TNFSF12: variants seen among roughly 807,000 people sequenced by gnomAD.
TNFSF12 encodes TNF superfamily member 12.
In TNFSF12, 16 loss-of-function variants were observed where a neutral mutation model predicts 31.2. That is an observed-to-expected ratio of 0.51 (90% confidence interval 0.35 to 0.78). The LOEUF is 0.78. Among genes scored for constraint, TNFSF12 ranks in the 30% least tolerant of loss-of-function variants. The probability of loss-of-function intolerance (pLI) is 0.01; values close to 1 mark genes in which losing one functional copy is unlikely to be tolerated. For synonymous variants in TNFSF12, 150 were observed against 151.4 expected, an observed-to-expected ratio of 0.99 and a Z score of 0.07; for missense variants, 324 against 338.8, an observed-to-expected ratio of 0.96 and a Z score of 0.34.
At chr17:7,555,393 C>G (rs1481721087) in intron 5 of TNFSF12, among the ~76,000 whole-genome samples, 2 of 152,076 alleles carry the variant, frequency 1.3e-5, no homozygotes, top group Non-Finnish European at 2.9e-5. Flanking sequence ...CATGATGAGG[C>G]TGGGGGACTC....
intron 5 of TNFSF12, among the ~76,000 whole-genome samples, chr17:7,553,413 G>A (rs879613714): frequency 2.6e-5 from 4 of 152,096 alleles, no homozygotes; most frequent in Non-Finnish European, 4.4e-5. Flanking sequence ...GTAGGTGGAG[G>A]GGTGTGTGGA....
rs113147008 is a variant in TNFSF12 at position 7,557,426 on chromosome 17, G to A, written c.*76G>A. On this transcript the variant is annotated 3_prime_UTR_variant, in exon 7 of 7. Coordinates refer to ENST00000293825, the MANE Select transcript of TNFSF12 (RefSeq NM_003809.3). This position sits in a 1 kb window ranked among gnomAD's most constrained non-coding sequence, Gnocchi z 5.2. The stretch of plus-strand genomic sequence containing the variant: ...GCTCTCTGGGCACCCGGTCCCCTCT[G>A]CCCCACCCTCAGCCGCTCTTTGCTC... 36,706 of 1,506,182 alleles carry A rather than the reference G, an allele frequency of 0.024. 626 individuals carry two copies. Among genetic ancestry groups the A allele is most frequent in the Admixed American group, 0.092 (4,216 of 45,962 alleles). 93.3% of individuals were successfully genotyped at this position (1,506,182 alleles called of 1,614,324 possible).
In TNFSF12 at chr17:7,550,129, C is replaced by T. The variant is rs2070983926; in HGVS notation, c.217C>T (p.Pro73Ser). ...EEDQDPSELNPQTEESQDPAP... is the reference protein window; with the variant it reads ...EEDQDPSELNSQTEESQDPAP... ...GCCCTAATTCCCCTAGGAACTGAAT[C>T]CCCAGACAGAAGAAAGCCAGGATCC... Residue 73 changes from proline to serine, a missense_variant, in exon 3 of 7, where the codon CCC (proline) becomes TCC (serine). Physicochemically the swap from Pro to Ser is moderately conservative, Grantham distance 74 (BLOSUM62 -1). Transcript: ENST00000293825. This position sits in a 1 kb window ranked among gnomAD's most constrained non-coding sequence, Gnocchi z 4.4. 6.2e-7 allele frequency: 1 copy of T among 1,614,048 alleles called. No individual in the cohort carries two copies. Among genetic ancestry groups the T allele is most frequent in the Non-Finnish European group, 8.5e-7 (1 of 1,179,976 alleles).
At chr17:7,554,690 G>A (rs1281589261) in intron 5 of TNFSF12, among the ~76,000 whole-genome samples, 1 of 146,196 alleles carries the variant, frequency 6.8e-6, no homozygotes, top group Non-Finnish European at 1.5e-5. Context: ...CGCCATCTCG[G>A]CTCACTGCAG....
intron 5 of TNFSF12, chr17:7,553,870 C>T (rs2071028143): frequency 3.6e-6 from 4 of 1,106,662 alleles, no homozygotes; most frequent in Non-Finnish European, 4.5e-6. Flanking sequence ...AACCTTTGCT[C>T]GATGACTTCT....
At position 7,550,837 on chromosome 17, in the gene TNFSF12, G is replaced by A. The variant is rs1267174864; in HGVS notation, c.322G>A (p.Ala108Thr). The A allele has an allele frequency of 6.8e-6, 11 of 1,612,504 alleles. No homozygotes were observed. Among genetic ancestry groups the A allele is most frequent in the South Asian group, 1.1e-5 (1 of 91,038 alleles). The change falls in exon 4 of 7, where the codon GCA (alanine) becomes ACA (threonine). Residue 108 changes from alanine (A) to threonine (T), a missense_variant. Physicochemically the swap from Ala to Thr is moderately conservative, Grantham distance 58 (BLOSUM62 0). Transcript: ENST00000293825. The surrounding 1 kb of genome is among the most constrained non-coding windows in gnomAD (Gnocchi z 4.4). The part of the protein sequence containing the change: ...GRKTRARRAI[A>T]AHYEVHPRPG... The stretch of plus-strand genomic sequence containing the variant: ...GAAAACACGGGCTCGAAGAGCGATC[G>A]CAGCCCATTATGAAGGTGGGTGATG...
chr17:7,555,989 T>TTG (rs2071060526), intron 5 of TNFSF12, among the ~76,000 whole-genome samples: 1 of 130,232 alleles, frequency 7.7e-6, no homozygotes, highest in African/African-American at 2.7e-5. Context: ...TTTGTTTTTT[T>TTG]TTTTTTTTGG....
At chr17:7,553,116 C>A (rs894034389) in intron 5 of TNFSF12, among the ~76,000 whole-genome samples, 3 of 136,032 alleles carry the variant, frequency 2.2e-5, no homozygotes, top group Non-Finnish European at 4.6e-5. Context: ...ATGGCACGAT[C>A]TCGGCTGACC....
Position 7,549,192 on chromosome 17 carries a change from G to C in TNFSF12, c.39G>C (p.Arg13=), listed in dbSNP as rs1597822381. Residue 13 remains arginine, a synonymous_variant, in exon 1 of 7, where the codon CGG becomes CGC. Coordinates refer to ENST00000293825, the MANE Select transcript of TNFSF12 (RefSeq NM_003809.3). This position sits in a 1 kb window ranked among gnomAD's most constrained non-coding sequence, Gnocchi z 4.1. ...ARRSQRRRGR[R]GEPGTALLVP... is the part of the protein sequence containing the mutation. Reference sequence around the variant, plus strand: ...GGAGCCAGAGGCGGAGGGGGCGCCGGGGGGAGCCGGGCACCGCCCTGCTGG... The same window carrying C: ...GGAGCCAGAGGCGGAGGGGGCGCCGCGGGGAGCCGGGCACCGCCCTGCTGG... 1.5e-6 allele frequency: 2 copies of C among 1,307,840 alleles called. No individual in the cohort carries two copies. The highest frequency in any genetic ancestry group is 3.1e-5 in the African/African-American group (2 of 64,890). The allele number at this position is 1,307,840 out of a possible 1,614,324, so 81.0% of individuals were successfully genotyped here.
rs114023472 is a variant in TNFSF12, at chr17:7,555,709, C to T, written c.374-1069C>T. 8.7e-3 allele frequency among the ~76,000 whole-genome samples: 1,328 copies of T among 152,080 alleles called. 23 individuals carry two copies. Among genetic ancestry groups the T allele is most frequent in the African/African-American group, 0.029 (1,219 of 41,482 alleles). On this transcript the variant is annotated intron_variant, in intron 5 of 6. Transcript: ENST00000293825. The stretch of plus-strand genomic sequence containing the variant: ...GGCAGGATAGATAGGAACTGGTGAT[C>T]GATTAATGATGTAGGTAAAGGAGAG...
chr17:7,553,772 G>C, intron 5 of TNFSF12: 1 of 1,212,326 alleles, frequency 8.2e-7, no homozygotes, highest in Non-Finnish European at 1.1e-6. Flanking sequence ...CCAGAAAGAA[G>C]AGAGGACACA....
rs2070978917 is a variant in TNFSF12, at chr17:7,549,766, T to C, written c.207+245T>C. On this transcript the variant is annotated intron_variant, in intron 2 of 6. Coordinates refer to ENST00000293825, the MANE Select transcript of TNFSF12 (RefSeq NM_003809.3). This position sits in a 1 kb window ranked among gnomAD's most constrained non-coding sequence, Gnocchi z 4.1. ...GTTTATTGGCTGGGGGTGACGTGGT[T>C]GTATAAGATATGTGAGTCTGCGTGG... is the stretch of plus-strand genomic sequence containing the variant. 6 of 641,210 alleles carry C rather than the reference T, an allele frequency of 9.4e-6. No homozygotes were observed. In the South Asian group the frequency reaches 1.4e-4, roughly 15 times the overall value. The allele number at this position is 641,210 out of a possible 1,614,324, so 39.7% of individuals were successfully genotyped here.
Position 7,549,460 on chromosome 17 carries a change from C to T in TNFSF12, c.160-14C>T, listed in dbSNP as rs149475179. 9.9e-6 allele frequency: 15 copies of T among 1,512,348 alleles called. No individual in the cohort carries two copies. The Admixed American group carries it at 1.9e-4, about 19-fold the overall frequency. 93.7% of individuals were successfully genotyped at this position (1,512,348 alleles called of 1,614,324 possible). A position where few individuals can be genotyped will look rare whatever the true frequency, so the allele number is the denominator to read the frequency against. On this transcript the variant is annotated splice_polypyrimidine_tract_variant and intron_variant, in intron 1 of 6. Coordinates refer to ENST00000293825, the MANE Select transcript of TNFSF12 (RefSeq NM_003809.3). This position sits in a 1 kb window ranked among gnomAD's most constrained non-coding sequence, Gnocchi z 4.1. The stretch of plus-strand genomic sequence containing the variant: ...GTGGAGCGGCACAGGGTGACGCTCC[C>T]TCCTTCCCAGCAGGAGCCTGCCCAG...
At position 7,550,877 on chromosome 17, in the gene TNFSF12, A is replaced by C. The variant is rs373165533; in HGVS notation, c.337+25A>C. ...GGTGGGTGATGGGTGAGCCATACCC[A>C]GGAGGAGAGGGGCAGGTGGCAGAGG... On this transcript the variant is annotated intron_variant, in intron 4 of 6. Transcript: ENST00000293825. This position sits in a 1 kb window ranked among gnomAD's most constrained non-coding sequence, Gnocchi z 4.4. 1.2e-6 allele frequency: 2 copies of C among 1,613,834 alleles called. No homozygotes were observed.
At chr17:7,551,557 T>C (rs972342074) in intron 5 of TNFSF12, among the ~76,000 whole-genome samples, 2 of 152,206 alleles carry the variant, frequency 1.3e-5, no homozygotes, top group African/African-American at 4.8e-5. Context: ...TCATGTTTGC[T>C]GCGCTGACAC....
At chr17:7,555,452 A>T (rs1378069263) in intron 5 of TNFSF12, among the ~76,000 whole-genome samples, 2 of 152,164 alleles carry the variant, frequency 1.3e-5, no homozygotes, top group Non-Finnish European at 2.9e-5. Flanking sequence ...CGAGATGGGG[A>T]TGAGGCTGGA....
At chr17:7,556,942 G>GT in intron 6 of TNFSF12, 40 bp downstream of exon 6, 2 of 1,528,170 alleles carry the variant, frequency 1.3e-6, no homozygotes, top group Non-Finnish European at 1.8e-6. Flanking sequence ...CAGTAAGAGA[G>GT]TGGCGAAGGG....
At position 7,553,505 on chromosome 17, in the gene TNFSF12, G is replaced by A. The variant is rs181904772; in HGVS notation, c.373+2527G>A. On this transcript the variant is annotated intron_variant, in intron 5 of 6. Transcript: ENST00000293825. ...TGAGGGCTTTCTTGAGATAGGCACT[G>A]TGTCTGGCACTTGTGTTTGGTCTTA... The A allele has an allele frequency of 1.3e-3, 743 of 568,832 alleles. 2 individuals carry two copies. Among genetic ancestry groups the A allele is most frequent in the Admixed American group, 2.5e-3 (108 of 42,390 alleles). 35.2% of individuals were successfully genotyped at this position (568,832 alleles called of 1,614,324 possible). A position where few individuals can be genotyped will look rare whatever the true frequency, so the allele number is the denominator to read the frequency against.
chr17:7,551,558 G>A (rs1286894591), intron 5 of TNFSF12, among the ~76,000 whole-genome samples: 1 of 152,142 alleles, frequency 6.6e-6, no homozygotes, highest in Admixed American at 6.6e-5. Context: ...CATGTTTGCT[G>A]CGCTGACACC....
Sources: allele counts gnomAD v4.1 joint callset (sites outside exome capture counted in the v4.1 genomes callset), GRCh38; gene constraint gnomAD v4.1.1; non-coding constraint Gnocchi (gnomAD v3.1); transcripts MANE v1.5; gene names NCBI Gene and HGNC (gene_info 2026-07-23, HGNC 2026-07-21).